Variants in CSMD1 observed in about 807,000 individuals in gnomAD.
The protein encoded by CSMD1 is CUB and sushi domain-containing protein 1.
Under a neutral mutation model 417.5 loss-of-function variants are expected in CSMD1, and 213 were observed. That is an observed-to-expected ratio of 0.51 (90% CI 0.46 to 0.57). The LOEUF is 0.57. CSMD1 is among the 20% of genes least tolerant of loss of function. The pLI, the probability that CSMD1 is intolerant of heterozygous loss-of-function variation, is 0.00. For synonymous variants in CSMD1, 2,862 were observed against 1,736.8 expected, an observed-to-expected ratio of 1.65 and a Z score of -16.11; for missense variants, 6,923 against 4,529.7, an observed-to-expected ratio of 1.53 and a Z score of -15.17.
chr8:3,310,057 T>A (rs749128358), intron 23 of CSMD1, among the ~76,000 whole-genome samples: 1 of 152,180 alleles, frequency 6.6e-6, no homozygotes, highest in Non-Finnish European at 1.5e-5. Flanking sequence ...CAGAAGAGTG[T>A]ATCCATCTTG....
intron 1 of CSMD1, chr8:4,787,339 C>T: frequency 2.7e-6 from 2 of 733,930 alleles, no homozygotes; most frequent in South Asian, 1.5e-5. Context: ...ATAATGGCGA[C>T]AGCTGAGGTA....
At chr8:4,247,550 T>G (rs1009009623) in intron 3 of CSMD1, among the ~76,000 whole-genome samples, 1 of 152,152 alleles carries the variant, frequency 6.6e-6, no homozygotes, top group African/African-American at 2.4e-5. Context: ...AATCAAAGGC[T>G]TTTAAGAATT....
At chr8:4,079,289 A>G (rs1799999898) in intron 3 of CSMD1, among the ~76,000 whole-genome samples, 1 of 152,218 alleles carries the variant, frequency 6.6e-6, no homozygotes, top group Admixed American at 6.5e-5. Flanking sequence ...GTACTGTACC[A>G]TGAGCAGATA....
At chr8:4,854,560 C>T (rs976256529) in intron 1 of CSMD1, among the ~76,000 whole-genome samples, 1 of 152,078 alleles carries the variant, frequency 6.6e-6, no homozygotes. Flanking sequence ...GTGCGCGCAC[C>T]GTGCGTGAGC....
At chr8:3,372,588 T>G (rs2116723298) in intron 18 of CSMD1, among the ~76,000 whole-genome samples, 1 of 152,126 alleles carries the variant, frequency 6.6e-6, no homozygotes, top group East Asian at 1.9e-4. Flanking sequence ...GATATGGGCA[T>G]TACGATAAAA....
intron 10 of CSMD1, among the ~76,000 whole-genome samples, chr8:3,520,234 A>G (rs1797451708): frequency 1.3e-5 from 2 of 152,112 alleles, no homozygotes; most frequent in Non-Finnish European, 2.9e-5. Flanking sequence ...AGATAAGTTG[A>G]TTATAGGTTG....
chr8:4,430,513 C>A (rs944395272), intron 2 of CSMD1, among the ~76,000 whole-genome samples: 2 of 151,942 alleles, frequency 1.3e-5, no homozygotes, highest in African/African-American at 2.4e-5. Flanking sequence ...AAATTTCCTC[C>A]TAAGAAATTA....
At chr8:4,561,516 C>G (rs1798329233) in intron 2 of CSMD1, among the ~76,000 whole-genome samples, 2 of 152,144 alleles carry the variant, frequency 1.3e-5, no homozygotes, top group South Asian at 4.1e-4. Context: ...AACCCTGTCT[C>G]TACCAAAACA....
At chr8:4,334,088 T>C (rs1306398574) in intron 3 of CSMD1, among the ~76,000 whole-genome samples, 3 of 151,938 alleles carry the variant, frequency 2.0e-5, no homozygotes, top group Admixed American at 6.6e-5. Flanking sequence ...ATGATGATGA[T>C]TACAGACAGG....
chr8:4,578,021 C>A (rs975845161), intron 2 of CSMD1, among the ~76,000 whole-genome samples: 1 of 152,158 alleles, frequency 6.6e-6, no homozygotes, highest in Admixed American at 6.5e-5. Context: ...GGACCCAGGG[C>A]TCGGCTTTAG....
chr8:3,101,015 G>A (rs1249320692), intron 46 of CSMD1, among the ~76,000 whole-genome samples: 7 of 150,766 alleles, frequency 4.6e-5, no homozygotes, highest in Non-Finnish European at 7.4e-5. Context: ...ATTATCAGAA[G>A]GTCACTGAAT....
chr8:4,118,262 C>T (rs1802275369), intron 3 of CSMD1, among the ~76,000 whole-genome samples: 1 of 151,974 alleles, frequency 6.6e-6, no homozygotes, highest in South Asian at 2.1e-4. Flanking sequence ...CTGAAACATG[C>T]CCTTAAGAAA....
At chr8:3,471,933 C>G (rs946542754) in intron 11 of CSMD1, among the ~76,000 whole-genome samples, 1 of 152,034 alleles carries the variant, frequency 6.6e-6, no homozygotes, top group Non-Finnish European at 1.5e-5. Flanking sequence ...CAAAACGAGT[C>G]GAGGAGAGTG....
chr8:3,808,932 G>C (rs932882220), intron 5 of CSMD1, among the ~76,000 whole-genome samples: 2 of 152,162 alleles, frequency 1.3e-5, no homozygotes, highest in Admixed American at 6.6e-5. Context: ...TTCCGTGTTA[G>C]TGCTATGTAG....
At chr8:3,881,852 G>A (rs1488781837) in intron 5 of CSMD1, among the ~76,000 whole-genome samples, 2 of 151,938 alleles carry the variant, frequency 1.3e-5, no homozygotes, top group African/African-American at 4.8e-5. Flanking sequence ...CAGGGCAAGG[G>A]GAAAAGGATT....
At chr8:4,155,553 C>G (rs555301570) in intron 3 of CSMD1, among the ~76,000 whole-genome samples, 2 of 152,270 alleles carry the variant, frequency 1.3e-5, no homozygotes, top group Non-Finnish European at 2.9e-5. Flanking sequence ...TAGGCCATGT[C>G]TTAGAACGAA....
intron 5 of CSMD1, among the ~76,000 whole-genome samples, chr8:3,768,967 GA>G (rs1563060243): frequency 6.6e-6 from 1 of 152,214 alleles, no homozygotes; most frequent in East Asian, 1.9e-4. Context: ...AATGGAACAG[GA>G]AAGGCCTGGC....
chr8:4,674,924 G>C (rs369008963), intron 1 of CSMD1, among the ~76,000 whole-genome samples: 3 of 152,180 alleles, frequency 2.0e-5, no homozygotes, highest in East Asian at 3.9e-4. Flanking sequence ...TATAAGAAGA[G>C]ATGCTAGAGA....
chr8:4,687,455 C>T (rs373163551), intron 1 of CSMD1, among the ~76,000 whole-genome samples: 5 of 152,166 alleles, frequency 3.3e-5, no homozygotes, highest in African/African-American at 1.2e-4. Context: ...TTAGTCAACA[C>T]TAAGTCCACC....
Sources: gnomAD v4.1 joint callset for allele counts (sites outside exome capture counted in the v4.1 genomes callset) on GRCh38, gnomAD v4.1.1 for gene constraint, MANE v1.5 for transcripts, NCBI Gene and HGNC (gene_info 2026-07-23, HGNC 2026-07-21) for gene names.